RFX6: variants seen among roughly 807,000 people sequenced by gnomAD.
RFX6 encodes the protein DNA-binding protein RFX6.
RFX6 carries 50 observed loss-of-function variants against 110.8 expected under a neutral mutation model. That is an observed-to-expected ratio of 0.45 (90% confidence interval 0.36 to 0.57). The LOEUF is 0.57. RFX6 is among the 20% of genes least tolerant of loss of function. The pLI is 0.00. For synonymous variants in RFX6, 383 were observed against 411.2 expected (o/e 0.93, Z 0.83); for missense variants, 990 against 1,127.0 (o/e 0.88, Z 1.74).
At chr6:116,917,142 AT>A (rs1775484476) in intron 9 of RFX6, among the ~76,000 whole-genome samples, 2 of 152,156 alleles carry the variant, frequency 1.3e-5, no homozygotes, top group South Asian at 4.1e-4. Flanking sequence ...CTATTTATAG[AT>A]AAACTAAGTC....
chr6:116,922,187 T>C (rs776482627), intron 13 of RFX6, 36 bp downstream of exon 13: 1 of 986,448 alleles, frequency 1.0e-6, no homozygotes, highest in Admixed American at 1.7e-5. Flanking sequence ...AATAAGTTCC[T>C]TGTAAAGAGT....
At chr6:116,916,779 G>C (rs950720646) in intron 9 of RFX6, among the ~76,000 whole-genome samples, 1 of 152,052 alleles carries the variant, frequency 6.6e-6, no homozygotes, top group African/African-American at 2.4e-5. Flanking sequence ...GAGTTCCTAA[G>C]TGTCTGCAGA....
chr6:116,928,080 T>TA (rs34807787), intron 17 of RFX6, among the ~76,000 whole-genome samples: 115,148 of 143,950 alleles, frequency 0.8, 45,903 homozygotes, highest in South Asian at 0.88. Context: ...CCGCATATGT[T>TA]AAAAAAAAAA....
rs972288707 is a variant in RFX6, at chr6:116,929,054, G to A, written c.2611+83G>A. 8 of 865,604 alleles carry A rather than the reference G, an allele frequency of 9.2e-6. No individual in the cohort carries two copies. In the African/African-American group the frequency reaches 9.9e-5, roughly 11 times the overall value. The allele number at this position is 865,604 out of a possible 1,614,324, so 53.6% of individuals were successfully genotyped here. On this transcript the variant is annotated intron_variant, in intron 18 of 18. Transcript: ENST00000332958. Reference sequence around the variant, plus strand: ...CAACATTACTTGAGGGAGATATGCTGAGGTGAACTGAGCAAGCATGTTTCC... The same window carrying A: ...CAACATTACTTGAGGGAGATATGCTAAGGTGAACTGAGCAAGCATGTTTCC...
In RFX6 at chr6:116,915,997, C is replaced by A; in HGVS notation, c.781-11C>A. 1 of 1,592,854 alleles carries A rather than the reference C, an allele frequency of 6.3e-7. No homozygotes were observed. ...GGATGCTTTGGTTAAGCTTTTTCTT[C>A]CTTGAAATAGGTTGATACGCTCATA... On this transcript the variant is annotated splice_polypyrimidine_tract_variant and intron_variant, in intron 7 of 18. Coordinates refer to ENST00000332958, the MANE Select transcript of RFX6 (RefSeq NM_173560.4).
intron 4 of RFX6, among the ~76,000 whole-genome samples, chr6:116,887,854 C>T (rs1216641419): frequency 6.6e-6 from 1 of 152,200 alleles, no homozygotes; most frequent in Non-Finnish European, 1.5e-5. Flanking sequence ...TTGTATCCCA[C>T]CCTTGCTCAG....
rs1456545739 is a variant in RFX6, at chr6:116,931,416, G to A, written c.2697G>A (p.Leu899=). Residue 899 remains leucine, a synonymous_variant, in exon 19 of 19, where the codon CTG becomes CTA. Coordinates refer to ENST00000332958, the MANE Select transcript of RFX6 (RefSeq NM_173560.4). The part of the protein sequence containing the change: ...TSNQYPAQET[L]DSHGTSSREM... ...ACCAGTATCCAGCTCAAGAAACCCT[G>A]GACTCCCATGGAACAAGCAGTAGAG... 2 of 1,612,052 alleles carry A rather than the reference G, an allele frequency of 1.2e-6. No individual in the cohort carries two copies. The highest frequency in any genetic ancestry group is 2.7e-5 in the African/African-American group (2 of 74,936).
chr6:116,883,003 A>G (rs1473721878), intron 4 of RFX6, among the ~76,000 whole-genome samples: 1 of 152,132 alleles, frequency 6.6e-6, no homozygotes, highest in Non-Finnish European at 1.5e-5. Flanking sequence ...ACTCCCAGGT[A>G]CAGTTTCTCA....
intron 2 of RFX6, among the ~76,000 whole-genome samples, chr6:116,879,137 GT>G: frequency 6.6e-6 from 1 of 151,844 alleles, no homozygotes; most frequent in Non-Finnish European, 1.5e-5. Flanking sequence ...TAAATTGAGT[GT>G]GTGGAAATAT....
In RFX6 at chr6:116,922,095, A is replaced by G; in HGVS notation, c.1381A>G (p.Thr461Ala). The G allele has an allele frequency of 1.9e-6, 3 of 1,571,820 alleles. No individual in the cohort carries two copies. Among genetic ancestry groups the G allele is most frequent in the Non-Finnish European group, 2.6e-6 (3 of 1,143,374 alleles). ...GAAGGATCTCCTTAAGAAGAATGCC[A>G]CTGTGGAGGCTTTTATTGAATGGTT... ...ELKDLLKKNA[T>A]VEAFIEWLDT... is the part of the protein sequence containing the mutation. Residue 461 changes from threonine to alanine, a missense_variant, in exon 13 of 19, where the codon ACT (threonine) becomes GCT (alanine). Physicochemically the swap from Thr to Ala is moderately conservative, Grantham distance 58 (BLOSUM62 0). Around this residue, in one of 5 missense-constraint regions of RFX6, gnomAD observed 89 missense variants for 140.3 expected, o/e 0.63. Coordinates refer to ENST00000332958, the MANE Select transcript of RFX6 (RefSeq NM_173560.4).
In RFX6 at chr6:116,916,072, G is replaced by A. The variant is rs765461665; in HGVS notation, c.845G>A (p.Gly282Glu). 12 of 1,608,080 alleles carry A rather than the reference G, an allele frequency of 7.5e-6. No individual in the cohort carries two copies. The highest frequency in any genetic ancestry group is 1.7e-6 in the Non-Finnish European group (2 of 1,174,982). The part of the protein sequence containing the change: ...CQCILDNAIN[G>E]NFEEIQHFLL... ...TGTATCCTGGACAATGCAATTAATG[G>A]AAACTTTGAAGAGGTAAGAATGACA... Residue 282 changes from glycine (G) to glutamate (E), a missense_variant, in exon 8 of 19, where the codon GGA (glycine) becomes GAA (glutamate). This residue lies in a region of RFX6 where 243 missense variants were observed against 353.1 expected (regional missense o/e 0.69). Transcript: ENST00000332958.
intron 7 of RFX6, among the ~76,000 whole-genome samples, chr6:116,914,634 G>T (rs1775424781): frequency 6.6e-6 from 1 of 152,162 alleles, no homozygotes; most frequent in Middle Eastern, 3.2e-3. Flanking sequence ...AGCTCCTTCA[G>T]ATGGATCAAT....
At chr6:116,886,389 G>A (rs1457634762) in intron 4 of RFX6, among the ~76,000 whole-genome samples, 4 of 152,122 alleles carry the variant, frequency 2.6e-5, no homozygotes, top group African/African-American at 9.6e-5. Flanking sequence ...CCTGTACTCT[G>A]GGCATGAGAT....
Position 116,927,449 on chromosome 6 carries a change from C to A in RFX6, c.2308C>A (p.Gln770Lys), listed in dbSNP as rs759711068. 4 of 1,614,108 alleles carry A rather than the reference C, an allele frequency of 2.5e-6. No individual in the cohort carries two copies. In the Admixed American group the frequency reaches 5.0e-5, roughly 20 times the overall value. Reference sequence around the variant, plus strand: ...GCAAGCCCAGGATTCACACAATATGCAGTTTTTAAATACAGGAAGCTTCAA... The same window carrying A: ...GCAAGCCCAGGATTCACACAATATGAAGTTTTTAAATACAGGAAGCTTCAA... ...SLQAQDSHNM[Q>K]FLNTGSFNFL... The change falls in exon 17 of 19, where the codon CAG (glutamine) becomes AAG (lysine). Residue 770 changes from glutamine to lysine, a missense_variant. Around this residue, in one of 5 missense-constraint regions of RFX6, gnomAD observed 438 missense variants for 441.9 expected, o/e 0.99. Transcript: ENST00000332958.
intron 7 of RFX6, among the ~76,000 whole-genome samples, chr6:116,915,199 C>T (rs2114692445): frequency 6.6e-6 from 1 of 152,234 alleles, no homozygotes; most frequent in Admixed American, 6.5e-5. Context: ...ATATTTAAAA[C>T]TTTTAAACTA....
rs1775899882 is a variant in RFX6 at position 116,932,120 on chromosome 6, T to C, written c.*614T>C. 1 of 152,628 alleles carries C rather than the reference T, an allele frequency of 6.6e-6. No homozygotes were observed. The highest frequency in any genetic ancestry group is 2.4e-5 in the African/African-American group (1 of 41,438). 9.5% of individuals were successfully genotyped at this position (152,628 alleles called of 1,614,324 possible). A position where few individuals can be genotyped will look rare whatever the true frequency, so the allele number is the denominator to read the frequency against. On this transcript the variant is annotated 3_prime_UTR_variant, in exon 19 of 19. Coordinates refer to ENST00000332958, the MANE Select transcript of RFX6 (RefSeq NM_173560.4). Reference sequence around the variant, plus strand: ...ATGATAAGTGCTTTCCCCTCTTTATTTAAAAAAGATTAAAAGGAATAAAAG... The same window carrying C: ...ATGATAAGTGCTTTCCCCTCTTTATCTAAAAAAGATTAAAAGGAATAAAAG...
chr6:116,904,635 A>G (rs1184375282), intron 6 of RFX6, among the ~76,000 whole-genome samples: 1 of 152,110 alleles, frequency 6.6e-6, no homozygotes, highest in Admixed American at 6.5e-5. Flanking sequence ...TCATCTTGCA[A>G]GACTGAAACT....
intron 4 of RFX6, among the ~76,000 whole-genome samples, chr6:116,889,654 C>CA (rs1360732641): frequency 2.0e-5 from 3 of 152,042 alleles, no homozygotes; most frequent in Non-Finnish European, 4.4e-5. Flanking sequence ...TTATGAAGAG[C>CA]AAGTCATCCT....
chr6:116,895,709 C>A (rs1774931414), intron 6 of RFX6, among the ~76,000 whole-genome samples: 2 of 151,702 alleles, frequency 1.3e-5, no homozygotes, highest in Non-Finnish European at 2.9e-5. Context: ...GCTTCCTCTC[C>A]ACCCCCTCCT....
Sources: gnomAD v4.1 joint callset for allele counts (sites outside exome capture counted in the v4.1 genomes callset) on GRCh38, gnomAD v4.1.1 for gene constraint, gnomAD v4.1.1 regional missense constraint, MANE v1.5 for transcripts, NCBI Gene and HGNC (gene_info 2026-07-23, HGNC 2026-07-21) for gene names.